CHKA: variants seen among roughly 807,000 people sequenced by gnomAD.
CHKA encodes the protein CHETK-alpha.
In CHKA, 34 loss-of-function variants were observed where a neutral mutation model predicts 60.1. The observed-to-expected ratio is 0.57, with a 90% CI of 0.43 to 0.75. The LOEUF is 0.75. Ranked by LOEUF, CHKA falls within the 30% of genes least tolerant of loss-of-function variation. CHKA has a pLI of 0.00. For missense variants in CHKA, 563 were observed against 561.3 expected (o/e 1.00, Z -0.03); for synonymous variants, 217 against 223.1 (o/e 0.97, Z 0.24).
chr11:68,091,636 A>C (rs1338916137), intron 2 of CHKA, among the ~76,000 whole-genome samples: 2 of 152,260 alleles, frequency 1.3e-5, no homozygotes, highest in Non-Finnish European at 2.9e-5. Context: ...CCCAATCAGA[A>C]AGTTTTACCT....
chr11:68,056,856 G>A (rs1213450502), intron 11 of CHKA, among the ~76,000 whole-genome samples: 2 of 151,998 alleles, frequency 1.3e-5, no homozygotes, highest in Non-Finnish European at 2.9e-5. Flanking sequence ...AAAAAAAAAA[G>A]TAATACACTG....
intron 1 of CHKA, among the ~76,000 whole-genome samples, chr11:68,117,031 G>A (rs568340769): frequency 6.6e-6 from 1 of 152,270 alleles, no homozygotes; most frequent in East Asian, 1.9e-4. Flanking sequence ...AAAGATGAAC[G>A]TGAAATGCCC....
chr11:68,067,378 G>T (rs1457277397), intron 7 of CHKA, among the ~76,000 whole-genome samples: 1 of 152,128 alleles, frequency 6.6e-6, no homozygotes, highest in East Asian at 1.9e-4. Context: ...GGAGGTGGGA[G>T]GATCACTTAA....
At chr11:68,111,267 C>T (rs1028769547) in intron 1 of CHKA, among the ~76,000 whole-genome samples, 1 of 152,032 alleles carries the variant, frequency 6.6e-6, no homozygotes, top group Non-Finnish European at 1.5e-5. Flanking sequence ...CAAAAATTAG[C>T]TGGGCGTGGT....
At chr11:68,081,611 C>T in intron 2 of CHKA, 154 bp from the exon 3 acceptor site, 1 of 599,532 alleles carries the variant, frequency 1.7e-6, no homozygotes, top group Non-Finnish European at 3.0e-6. Flanking sequence ...GCATCTAATG[C>T]ACCAGCAGCC....
chr11:68,120,320 G>T (rs1241738183), intron 1 of CHKA, among the ~76,000 whole-genome samples: 2 of 152,014 alleles, frequency 1.3e-5, no homozygotes, highest in African/African-American at 4.8e-5. Flanking sequence ...CAGCTATAGT[G>T]ATGTCTCTTA....
intron 6 of CHKA, among the ~76,000 whole-genome samples, chr11:68,069,315 T>G (rs1005592445): frequency 1.3e-5 from 2 of 152,136 alleles, no homozygotes; most frequent in African/African-American, 4.8e-5. Flanking sequence ...TTGACATTAT[T>G]TTATTTGTTT....
chr11:68,105,536 A>AG, intron 1 of CHKA, among the ~76,000 whole-genome samples: 1 of 150,720 alleles, frequency 6.6e-6, no homozygotes, highest in East Asian at 1.9e-4. Context: ...AAAAAAAAAA[A>AG]AAAAGAAAAG....
intron 11 of CHKA, among the ~76,000 whole-genome samples, chr11:68,059,022 G>T (rs1173547693): frequency 6.6e-6 from 1 of 152,128 alleles, no homozygotes; most frequent in Admixed American, 6.5e-5. Context: ...TCAGTTTCCT[G>T]AGTAGCTGGG....
intron 1 of CHKA, among the ~76,000 whole-genome samples, chr11:68,112,471 G>A (rs991966677): frequency 6.6e-6 from 1 of 152,084 alleles, no homozygotes; most frequent in African/African-American, 2.4e-5. Context: ...TGTTGGCCAG[G>A]CTGGTCTCAA....
intron 1 of CHKA, among the ~76,000 whole-genome samples, chr11:68,099,269 A>G (rs59093175): frequency 4.2e-4 from 64 of 152,346 alleles, no homozygotes; most frequent in African/African-American, 1.4e-3. Context: ...AGTATCTGTG[A>G]TTACACTAAA....
At chr11:68,091,170 A>C (rs747796682) in intron 2 of CHKA, among the ~76,000 whole-genome samples, 12 of 152,204 alleles carry the variant, frequency 7.9e-5, no homozygotes, top group Admixed American at 1.3e-4. Flanking sequence ...TAGCAATTCT[A>C]TCTCTTTCCA....
At chr11:68,084,410 G>GTGTA in intron 2 of CHKA, among the ~76,000 whole-genome samples, 2 of 70,402 alleles carry the variant, frequency 2.8e-5, no homozygotes, top group South Asian at 1.4e-3. Context: ...ACGTATATAT[G>GTGTA]TGTATATATA....
At chr11:68,067,326 C>T (rs1374385018) in intron 7 of CHKA, among the ~76,000 whole-genome samples, 6 of 152,130 alleles carry the variant, frequency 3.9e-5, no homozygotes, top group Non-Finnish European at 5.9e-5. Context: ...GACCAGAAAA[C>T]GTGTATTGGC....
At chr11:68,120,624 C>G (rs1191184738) in intron 1 of CHKA, among the ~76,000 whole-genome samples, 1 of 152,206 alleles carries the variant, frequency 6.6e-6, no homozygotes, top group African/African-American at 2.4e-5. Flanking sequence ...CCTGCGGCGG[C>G]CGCGAACCCG....
At chr11:68,080,882 G>A (rs956596126) in intron 3 of CHKA, among the ~76,000 whole-genome samples, 2 of 152,220 alleles carry the variant, frequency 1.3e-5, no homozygotes, top group Non-Finnish European at 2.9e-5. Context: ...CAAGCCATCT[G>A]CACATGTGTG....
chr11:68,090,452 C>G (rs1857315062), intron 2 of CHKA, among the ~76,000 whole-genome samples: 1 of 152,124 alleles, frequency 6.6e-6, no homozygotes, highest in South Asian at 2.1e-4. Flanking sequence ...CAATGCTGGT[C>G]TTTGCATGGT....
intron 3 of CHKA, among the ~76,000 whole-genome samples, chr11:68,080,103 C>T (rs952117346): frequency 7.2e-5 from 11 of 152,192 alleles, no homozygotes; most frequent in African/African-American, 2.7e-4. Flanking sequence ...CCACCATTTT[C>T]AGCTAACAGG....
intron 6 of CHKA, among the ~76,000 whole-genome samples, chr11:68,069,157 G>T (rs978890997): frequency 6.6e-6 from 1 of 151,994 alleles, no homozygotes; most frequent in Non-Finnish European, 1.5e-5. Flanking sequence ...TGCATGTGCC[G>T]CTCCCTCCTG....
Sources: gnomAD v4.1 joint callset for allele counts (sites outside exome capture counted in the v4.1 genomes callset) on GRCh38, gnomAD v4.1.1 for gene constraint, MANE v1.5 for transcripts, NCBI Gene and HGNC (gene_info 2026-07-23, HGNC 2026-07-21) for gene names.